The following CDH10 variants were observed in gnomAD, a reference collection of about 807,000 sequenced individuals.
CDH10 encodes the protein cadherin-10.
In CDH10, 30 loss-of-function variants were observed where a neutral mutation model predicts 73.1. That is an observed-to-expected ratio of 0.41 (90% CI 0.31 to 0.56). The LOEUF is 0.56. Ranked by LOEUF, CDH10 falls within the 20% of genes least tolerant of loss-of-function variation. The probability of loss-of-function intolerance (pLI) is 0.27; values close to 1 mark genes in which losing one functional copy is unlikely to be tolerated. For missense variants in CDH10, 815 were observed against 973.7 expected, an observed-to-expected ratio of 0.84 and a Z score of 2.17; for synonymous variants, 345 against 348.2, an observed-to-expected ratio of 0.99 and a Z score of 0.10.
chr5:24,574,041 C>G (rs1276100339), intron 2 of CDH10, among the ~76,000 whole-genome samples: 1 of 151,578 alleles, frequency 6.6e-6, no homozygotes, highest in Non-Finnish European at 1.5e-5. Context: ...CCTGCCACCA[C>G]ACCCGGCTAA....
At chr5:24,587,892 T>A (rs1746076169) in intron 2 of CDH10, among the ~76,000 whole-genome samples, 1 of 152,198 alleles carries the variant, frequency 6.6e-6, no homozygotes, top group Non-Finnish European at 1.5e-5. Flanking sequence ...ACATAACTGC[T>A]AGCTAAAATA....
At position 24,541,481 on chromosome 5, in the gene CDH10, G is replaced by A. The variant is rs561771161; in HGVS notation, c.232-3807C>T. Among the ~76,000 whole-genome samples, 286 of 151,958 alleles carry A rather than the reference G, an allele frequency of 1.9e-3. 2 individuals are homozygous for A. The highest frequency in any genetic ancestry group is 3.5e-3 in the Admixed American group (53 of 15,238). On this transcript the variant is annotated intron_variant, in intron 2 of 11. Coordinates refer to ENST00000264463, the MANE Select transcript of CDH10 (RefSeq NM_006727.5). Reference sequence around the variant, plus strand: ...TCTTCCTTTTTGTTTTGGATATCAGGTAACAACACTTGGATTTAAAAAACA... The same window carrying A: ...TCTTCCTTTTTGTTTTGGATATCAGATAACAACACTTGGATTTAAAAAACA...
rs575532448 is a variant in CDH10, at chr5:24,621,857, A to G, written c.-124+22737T>C. ...ACACACACAGATATAAACATCTTTC[A>G]TGCATAAGGGACAGCAACAAATAAA... On this transcript the variant is annotated intron_variant, in intron 1 of 11. Transcript: ENST00000264463. 4.6e-5 allele frequency among the ~76,000 whole-genome samples: 7 copies of G among 152,364 alleles called. No homozygotes were observed. In the East Asian group the frequency reaches 1.4e-3, roughly 29 times the overall value.
chr5:24,492,587 AT>A (rs1742104082), intron 10 of CDH10, among the ~76,000 whole-genome samples: 2 of 152,248 alleles, frequency 1.3e-5, no homozygotes, highest in African/African-American at 4.8e-5. Flanking sequence ...AGACACAATC[AT>A]TTTTTAACAT....
chr5:24,644,458 G>GT (rs1748150677), intron 1 of CDH10, 136 bp downstream of exon 1: 2 of 151,942 alleles, frequency 1.3e-5, no homozygotes, highest in Admixed American at 6.6e-5. Context: ...AAGTATTAAA[G>GT]ATAATTATTT....
intron 2 of CDH10, among the ~76,000 whole-genome samples, chr5:24,568,580 A>AT (rs201063935): frequency 0.014 from 2,198 of 152,234 alleles, 64 homozygotes; most frequent in African/African-American, 0.05. Flanking sequence ...TGTGGAAAAC[A>AT]ATATGATACT....
In CDH10 at chr5:24,626,194, C is replaced by T. The variant is rs115159782; in HGVS notation, c.-124+18400G>A. Among the ~76,000 whole-genome samples the T allele has an allele frequency of 3.0e-3, 464 of 152,160 alleles. 2 individuals are homozygous for T. Among genetic ancestry groups the T allele is most frequent in the Middle Eastern group, 6.8e-3 (2 of 294 alleles). On this transcript the variant is annotated intron_variant, in intron 1 of 11. Coordinates refer to ENST00000264463, the MANE Select transcript of CDH10 (RefSeq NM_006727.5). ...TTGGTTCCCAAAACAATGTGGTTGA[C>T]GACTATGTGAATAGGCACTGGGAGC...
chr5:24,535,291 A>T lies in CDH10; in HGVS notation c.647-12T>A. The T allele has an allele frequency of 1.9e-6, 3 of 1,597,412 alleles. No homozygotes were observed. The highest frequency in any genetic ancestry group is 2.6e-6 in the Non-Finnish European group (3 of 1,175,196). On this transcript the variant is annotated splice_polypyrimidine_tract_variant and intron_variant, in intron 4 of 11. Transcript: ENST00000264463. ...AGTCCTGATGATACCTTGAGAAAAT[A>T]TAAAAAAACTTCCATTATCTTCACT...
chr5:24,581,090 G>T (rs1579838539), intron 2 of CDH10, among the ~76,000 whole-genome samples: 1 of 152,094 alleles, frequency 6.6e-6, no homozygotes, highest in African/African-American at 2.4e-5. Context: ...GAGGATTAGG[G>T]TGTGGCCATC....
chr5:24,581,913 GA>G, intron 2 of CDH10, among the ~76,000 whole-genome samples: 1 of 152,020 alleles, frequency 6.6e-6, no homozygotes, highest in Non-Finnish European at 1.5e-5. Flanking sequence ...TACTGATATT[GA>G]GAAAAATGAG....
intron 2 of CDH10, among the ~76,000 whole-genome samples, chr5:24,556,774 A>T (rs561205910): frequency 6.6e-6 from 1 of 151,800 alleles, no homozygotes; most frequent in Non-Finnish European, 1.5e-5. Flanking sequence ...TAGCTGTATT[A>T]AAAAATCAGC....
At chr5:24,627,507 G>A (rs1747551453) in intron 1 of CDH10, among the ~76,000 whole-genome samples, 1 of 152,072 alleles carries the variant, frequency 6.6e-6, no homozygotes, top group Non-Finnish European at 1.5e-5. Context: ...TGCAATAGCG[G>A]TTACGAATGG....
intron 2 of CDH10, among the ~76,000 whole-genome samples, chr5:24,577,646 GATTTA>G (rs1745652763): frequency 6.6e-6 from 1 of 152,068 alleles, no homozygotes. Context: ...TTTAGAAATT[GATTTA>G]ATTTATGAAT....
At chr5:24,640,338 G>A (rs1342124809) in intron 1 of CDH10, among the ~76,000 whole-genome samples, 1 of 151,558 alleles carries the variant, frequency 6.6e-6, no homozygotes, top group Non-Finnish European at 1.5e-5. Context: ...AAGATGACCT[G>A]CTAAATTTAT....
chr5:24,582,150 C>T (rs1225046164), intron 2 of CDH10, among the ~76,000 whole-genome samples: 2 of 151,972 alleles, frequency 1.3e-5, no homozygotes, highest in African/African-American at 2.4e-5. Flanking sequence ...CAGAAATGAT[C>T]GTAGGAGCAT....
intron 1 of CDH10, chr5:24,612,345 T>G (rs1374635780): frequency 2.6e-5 from 4 of 152,196 alleles, no homozygotes; most frequent in Admixed American, 2.6e-4. Context: ...GTGGTTTCAA[T>G]TGCAATATGA....
rs551510447 is a variant in CDH10, at chr5:24,589,693, C to A, written c.231+3567G>T. Among the ~76,000 whole-genome samples the A allele has an allele frequency of 2.6e-5, 4 of 151,992 alleles. No individual in the cohort carries two copies. The East Asian group carries it at 7.7e-4, about 29-fold the overall frequency. On this transcript the variant is annotated intron_variant, in intron 2 of 11. Coordinates refer to ENST00000264463, the MANE Select transcript of CDH10 (RefSeq NM_006727.5). ...AATTCAAGGCTTTACAGTTTAATATCATTATTTACTTTAGATTTGAAGATA... is the reference window on the plus strand; with the variant it reads ...AATTCAAGGCTTTACAGTTTAATATAATTATTTACTTTAGATTTGAAGATA...
intron 2 of CDH10, among the ~76,000 whole-genome samples, chr5:24,562,343 C>T (rs1342400016): frequency 6.6e-6 from 1 of 151,748 alleles, no homozygotes; most frequent in Non-Finnish European, 1.5e-5. Context: ...TGTATTTTTT[C>T]CTTCTTTTAT....
chr5:24,528,256 T>A (rs1267350287), intron 5 of CDH10, among the ~76,000 whole-genome samples: 1 of 151,814 alleles, frequency 6.6e-6, no homozygotes, highest in Admixed American at 6.6e-5. Flanking sequence ...AAAAGAGACA[T>A]TTTTAATTTT....
Sources: allele counts gnomAD v4.1 joint callset (sites outside exome capture counted in the v4.1 genomes callset), GRCh38; gene constraint gnomAD v4.1.1; transcripts MANE v1.5; gene names NCBI Gene and HGNC (gene_info 2026-07-23, HGNC 2026-07-21).